The following NUP205 variants were observed in gnomAD, a reference collection of about 807,000 sequenced individuals.
The protein encoded by NUP205 is nuclear pore complex protein Nup205.
In NUP205, 76 loss-of-function variants were observed where a neutral mutation model predicts 253.8. The observed-to-expected ratio is 0.30, with a 90% CI of 0.25 to 0.36. NUP205 has a LOEUF of 0.36. Ranked by LOEUF, NUP205 falls within the 10% of genes least tolerant of loss-of-function variation. The probability of loss-of-function intolerance (pLI) is 1.00; values close to 1 mark genes in which losing one functional copy is unlikely to be tolerated. For missense variants in NUP205, 2,162 were observed against 2,425.5 expected (o/e 0.89, Z 2.28); for synonymous variants, 832 against 850.1 (o/e 0.98, Z 0.37).
In NUP205 at chr7:135,617,221, C is replaced by T. The variant is rs202152654; in HGVS notation, c.3664C>T (p.Arg1222Trp). 1.1e-5 allele frequency: 17 copies of T among 1,613,542 alleles called. No individual in the cohort carries two copies. In the East Asian group the frequency reaches 2.0e-4, roughly 19 times the overall value. Residue 1222 changes from arginine to tryptophan, a missense_variant, in exon 26 of 43, where the codon CGG becomes TGG. By Grantham distance (101) the Arg-to-Trp change is moderately radical (BLOSUM62 -3). Transcript: ENST00000285968. ...VIANCEHKNL[R>W]GQTVCNVKLL... ...TGCTAACTGTGAACACAAGAATTTA[C>T]GGGGACAGACAGTCTGCAATGTCAA...
intron 1 of NUP205, among the ~76,000 whole-genome samples, chr7:135,561,900 G>GTTCCTTCCTTCCTTCCCTCC (rs1805590367): frequency 7.1e-6 from 1 of 140,722 alleles, no homozygotes; most frequent in South Asian, 2.2e-4. Flanking sequence ...TCCTTCCTTT[G>GTTCCTTCCTTCCTTCCCTCC]TTCCTTCCTT....
intron 35 of NUP205, 70 bp from the exon 36 acceptor site, chr7:135,635,511 C>A: frequency 2.3e-6 from 2 of 861,870 alleles, no homozygotes; most frequent in South Asian, 1.8e-5. Flanking sequence ...AATATTAGAA[C>A]CTCTCTTCCT....
chr7:135,586,456 C>T (rs1192586322), intron 8 of NUP205, among the ~76,000 whole-genome samples: 1 of 151,716 alleles, frequency 6.6e-6, no homozygotes, highest in African/African-American at 2.4e-5. Context: ...TATTTTCTTC[C>T]CTCTGCCTTG....
intron 11 of NUP205, 89 bp from the exon 12 acceptor site, chr7:135,592,898 G>C: frequency 9.9e-7 from 1 of 1,007,000 alleles, no homozygotes. Flanking sequence ...AAAGAAAAAA[G>C]TATATTGTTT....
chr7:135,603,486 TTCTAAGAA>T (rs2129490618), intron 18 of NUP205, among the ~76,000 whole-genome samples: 1 of 152,060 alleles, frequency 6.6e-6, no homozygotes, highest in South Asian at 2.1e-4. Flanking sequence ...CTCTTCCATG[TTCTAAGAA>T]TCTAAGTCTA....
At position 135,637,386 on chromosome 7, in the gene NUP205, AATACTG is replaced by A. The variant is rs1442302391; in HGVS notation, c.5137-544_5137-539del. ...TCCTTTCTCTTTGAGAACCATGGGA[AATACTG>A]TATTCTCAGGTGAGAAGTATTAACA... On this transcript the variant is annotated intron_variant, in intron 36 of 42. Coordinates refer to ENST00000285968, the MANE Select transcript of NUP205 (RefSeq NM_015135.3). Among the ~76,000 whole-genome samples the A allele has an allele frequency of 1.1e-3, 163 of 152,362 alleles. 3 individuals are homozygous for A. The highest frequency in any genetic ancestry group is 3.9e-3 in the South Asian group (19 of 4,834).
Position 135,598,632 on chromosome 7 carries a change from T to C in NUP205, c.2274+425T>C, listed in dbSNP as rs78697469. 2.8e-3 allele frequency among the ~76,000 whole-genome samples: 426 copies of C among 152,340 alleles called. 9 individuals carry two copies. In the East Asian group the frequency reaches 0.051, roughly 18 times the overall value. ...ACTGGTTTAGCGGGAAGGAGTATTG[T>C]AATCCATTAGGCATGTCTGCCATGG... On this transcript the variant is annotated intron_variant, in intron 15 of 42. Coordinates refer to ENST00000285968, the MANE Select transcript of NUP205 (RefSeq NM_015135.3).
chr7:135,601,099 C>A, intron 16 of NUP205, 130 bp downstream of exon 16: 1 of 606,894 alleles, frequency 1.6e-6, no homozygotes, highest in South Asian at 2.9e-5. Context: ...TTGTTTTAAT[C>A]ATTTTAATTT....
At chr7:135,571,304 A>T in intron 2 of NUP205, 57 bp downstream of exon 2, 1 of 1,174,046 alleles carries the variant, frequency 8.5e-7, no homozygotes. Context: ...AGATCGAGGA[A>T]GGAAGTAAAC....
At chr7:135,583,377 A>G (rs1206587599) in intron 7 of NUP205, among the ~76,000 whole-genome samples, 1 of 152,182 alleles carries the variant, frequency 6.6e-6, no homozygotes, top group Non-Finnish European at 1.5e-5. Flanking sequence ...ACCATAACCT[A>G]TGACATACTC....
chr7:135,637,323 G>C (rs1286460709), intron 36 of NUP205, among the ~76,000 whole-genome samples: 1 of 152,208 alleles, frequency 6.6e-6, no homozygotes, highest in South Asian at 2.1e-4. Context: ...AAAGCCATCG[G>C]CTAACCTCTG....
intron 10 of NUP205, among the ~76,000 whole-genome samples, chr7:135,590,200 C>T (rs1245990624): frequency 1.3e-5 from 2 of 151,174 alleles, no homozygotes; most frequent in Non-Finnish European, 3.0e-5. Context: ...CAACCTCCGC[C>T]TCCTGGGTTT....
Position 135,643,338 on chromosome 7 carries a change from C to T in NUP205, c.5539C>T (p.Pro1847Ser). Residue 1847 changes from proline (P) to serine (S), a missense_variant, in exon 39 of 43, where the codon CCC becomes TCC. Around this residue, in one of 5 missense-constraint regions of NUP205, gnomAD observed 1,144 missense variants for 1,280.9 expected, o/e 0.89. Transcript: ENST00000285968. ...CAAGCTACAAAATGTAGAGCAGCTT[C>T]CCCCAGATGAGATAAAAGAGGTACG... is the stretch of plus-strand genomic sequence containing the variant. ...VSKLQNVEQL[P>S]PDEIKELCQS... The T allele has an allele frequency of 6.2e-7, 1 of 1,613,700 alleles. No individual in the cohort carries two copies. The highest frequency in any genetic ancestry group is 8.5e-7 in the Non-Finnish European group (1 of 1,179,794).
chr7:135,631,436 T>C (rs76537518), intron 35 of NUP205, among the ~76,000 whole-genome samples: 1 of 152,300 alleles, frequency 6.6e-6, no homozygotes, highest in East Asian at 1.9e-4. Flanking sequence ...TTGGTTACTT[T>C]CCCCCCTTAT....
chr7:135,614,476 A>C (rs1447456466), intron 23 of NUP205, among the ~76,000 whole-genome samples: 1 of 152,218 alleles, frequency 6.6e-6, no homozygotes, highest in Admixed American at 6.5e-5. Context: ...TAGCCTATCA[A>C]GGATGGAATT....
rs374988689 is a variant in NUP205, at chr7:135,622,094, C to T, written c.4331-683C>T. Among the ~76,000 whole-genome samples, 6 of 151,740 alleles carry T rather than the reference C, an allele frequency of 4.0e-5. No homozygotes were observed. The East Asian group carries it at 7.9e-4, about 20-fold the overall frequency. On this transcript the variant is annotated intron_variant, in intron 30 of 42. Transcript: ENST00000285968. ...CTAGGATTACAGGTGTGAGCCACCA[C>T]GCCTGGCAATTTTAAAAGATCTCAA...
In NUP205 at chr7:135,646,226, G is replaced by A. The variant is rs1795006662; in HGVS notation, c.5881G>A (p.Asp1961Asn). ...GGCTATAGTGAGCCAACATGATTTAGACCAGGTAAGGTTCTATTCTCATAT... is the reference window on the plus strand; with the variant it reads ...GGCTATAGTGAGCCAACATGATTTAAACCAGGTAAGGTTCTATTCTCATAT... ...GLAIVSQHDLDQLQADAINAF... is the reference protein window; with the variant it reads ...GLAIVSQHDLNQLQADAINAF... Residue 1961 changes from aspartate (D) to asparagine (N), a missense_variant, in exon 42 of 43, where the codon GAC becomes AAC. Coordinates refer to ENST00000285968, the MANE Select transcript of NUP205 (RefSeq NM_015135.3). 1.2e-6 allele frequency: 2 copies of A among 1,608,562 alleles called. No homozygotes were observed. Among genetic ancestry groups the A allele is most frequent in the East Asian group, 2.2e-5 (1 of 44,858 alleles).
chr7:135,557,997 G>T (rs781283481), intron 1 of NUP205, 25 bp downstream of exon 1: 1 of 1,601,890 alleles, frequency 6.2e-7, no homozygotes, highest in South Asian at 1.1e-5. Flanking sequence ...ACAGAAAGAC[G>T]ATTGAGCTGA....
chr7:135,646,941 A>G (rs749845688), intron 42 of NUP205, among the ~76,000 whole-genome samples: 8 of 152,190 alleles, frequency 5.3e-5, no homozygotes, highest in Non-Finnish European at 8.8e-5. Flanking sequence ...AGCTTTGTAG[A>G]ACTTTTTAGG....
Sources: allele counts gnomAD v4.1 joint callset (sites outside exome capture counted in the v4.1 genomes callset), GRCh38; gene constraint gnomAD v4.1.1; regional missense constraint gnomAD v4.1.1; transcripts MANE v1.5; gene names NCBI Gene and HGNC (gene_info 2026-07-23, HGNC 2026-07-21).